DIP2C: variants seen among roughly 807,000 people sequenced by gnomAD.
DIP2C encodes disco-interacting protein 2 homolog C.
Under a neutral mutation model 192.4 loss-of-function variants are expected in DIP2C, and 33 were observed. The ratio of observed to expected loss-of-function variants is 0.17; its 90% CI spans 0.13 to 0.23. The LOEUF is 0.23. Ranked by LOEUF, DIP2C falls within the 10% of genes least tolerant of loss-of-function variation. DIP2C has a pLI of 1.00. For missense variants in DIP2C, 1,537 were observed against 2,110.1 expected, an observed-to-expected ratio of 0.73 and a Z score of 5.32; for synonymous variants, 979 against 864.1, an observed-to-expected ratio of 1.13 and a Z score of -2.33.
intron 32 of DIP2C, among the ~76,000 whole-genome samples, chr10:303,711 C>T (rs906417713): frequency 7.9e-5 from 12 of 151,948 alleles, no homozygotes; most frequent in East Asian, 1.9e-4. Context: ...TTAGTAGAGA[C>T]GGGGTTCCTC....
At chr10:406,538 A>G (rs1477914290) in intron 9 of DIP2C, among the ~76,000 whole-genome samples, 3 of 147,276 alleles carry the variant, frequency 2.0e-5, no homozygotes, top group Non-Finnish European at 4.4e-5. Flanking sequence ...AACCAACTCC[A>G]TCTTGCTTCT....
At chr10:334,741 T>C (rs1957674817) in intron 29 of DIP2C, among the ~76,000 whole-genome samples, 1 of 152,232 alleles carries the variant, frequency 6.6e-6, no homozygotes, top group Admixed American at 6.5e-5. Flanking sequence ...TGACCATAAA[T>C]ATAAGGGTTT....
In DIP2C at chr10:601,265, A is replaced by G. The variant is rs188511894; in HGVS notation, c.85+88229T>C. Among the ~76,000 whole-genome samples the G allele has an allele frequency of 1.4e-3, 214 of 152,374 alleles. 2 individuals are homozygous for G. Among genetic ancestry groups the G allele is most frequent in the Middle Eastern group, 3.4e-3 (1 of 294 alleles). Reference sequence around the variant, plus strand: ...CAAAGGTTCAGTAAATCTCTAGATAATCAGGCAAAAATTTTAGGAAGCTAC... The same window carrying G: ...CAAAGGTTCAGTAAATCTCTAGATAGTCAGGCAAAAATTTTAGGAAGCTAC... On this transcript the variant is annotated intron_variant, in intron 1 of 36. Coordinates refer to ENST00000280886, the MANE Select transcript of DIP2C (RefSeq NM_014974.3).
intron 2 of DIP2C, among the ~76,000 whole-genome samples, chr10:485,132 G>A (rs1446137974): frequency 6.6e-6 from 1 of 152,246 alleles, no homozygotes; most frequent in Non-Finnish European, 1.5e-5. Flanking sequence ...CGGTGCGCTG[G>A]AGAACCGTCC....
rs750646000 is a variant in DIP2C at position 494,117 on chromosome 10, TG to T, written c.86-7588del. 1.2e-3 allele frequency among the ~76,000 whole-genome samples: 190 copies of T among 152,344 alleles called. 1 individual carries two copies. The highest frequency in any genetic ancestry group is 2.0e-3 in the Non-Finnish European group (138 of 68,036). On this transcript the variant is annotated intron_variant, in intron 1 of 36. Transcript: ENST00000280886. ...ATCCCGAGTGCTGGGCCACAGGGGATGGTCATGAACACACACTATGTGACCC... is the reference window on the plus strand; with the variant it reads ...ATCCCGAGTGCTGGGCCACAGGGGATGTCATGAACACACACTATGTGACCC...
intron 31 of DIP2C, among the ~76,000 whole-genome samples, chr10:310,604 G>A (rs1302350161): frequency 1.3e-5 from 2 of 152,214 alleles, no homozygotes; most frequent in Non-Finnish European, 2.9e-5. Flanking sequence ...TCTCTGGCCT[G>A]AGGAGGGCAT....
chr10:449,917 C>CA lies in DIP2C; in HGVS notation c.269-8922dup, dbSNP rs1287942290. ...CAAATAAAGATGTTTCAGTCAACAA[C>CA]AACAAAAAAAAAAAAAAAAGAAAAT... On this transcript the variant is annotated intron_variant, in intron 3 of 36. Transcript: ENST00000280886. Among the ~76,000 whole-genome samples the CA allele has an allele frequency of 5.6e-3, 126 of 22,554 alleles. 1 individual carries two copies. Among genetic ancestry groups the CA allele is most frequent in the African/African-American group, 0.013 (116 of 9,276 alleles). The allele number at this position is 22,554 out of a possible 152,430, so 14.8% of individuals were successfully genotyped here. A position where few individuals can be genotyped will look rare whatever the true frequency, so the allele number is the denominator to read the frequency against.
chr10:592,420 C>T (rs1851455319), intron 1 of DIP2C, among the ~76,000 whole-genome samples: 1 of 152,216 alleles, frequency 6.6e-6, no homozygotes, highest in African/African-American at 2.4e-5. Context: ...ATCCAAATGT[C>T]CATCGATACG....
chr10:402,514 C>G (rs1227778390), intron 9 of DIP2C, among the ~76,000 whole-genome samples: 1 of 15,250 alleles, frequency 6.6e-5, no homozygotes, highest in African/African-American at 7.1e-5. Context: ...TCCTTATGGA[C>G]AAGTTTGGTA....
At chr10:623,108 A>C (rs1031874815) in intron 1 of DIP2C, among the ~76,000 whole-genome samples, 16 of 152,220 alleles carry the variant, frequency 1.1e-4, no homozygotes, top group Non-Finnish European at 1.8e-4. Context: ...CACCCTTCCC[A>C]GGGAGCCAGT....
At chr10:526,181 A>C (rs1216840907) in intron 1 of DIP2C, among the ~76,000 whole-genome samples, 4 of 152,334 alleles carry the variant, frequency 2.6e-5, no homozygotes, top group Non-Finnish European at 5.9e-5. Flanking sequence ...CAGCAAATGC[A>C]GCACACCTGT....
At chr10:309,705 C>T (rs978704094) in intron 32 of DIP2C, among the ~76,000 whole-genome samples, 3 of 152,142 alleles carry the variant, frequency 2.0e-5, no homozygotes, top group South Asian at 2.1e-4. Flanking sequence ...ATGACAAGTG[C>T]CCGCCACCAA....
chr10:441,369 C>T (rs1379012441), intron 3 of DIP2C, among the ~76,000 whole-genome samples: 1 of 141,062 alleles, frequency 7.1e-6, no homozygotes, highest in Non-Finnish European at 1.5e-5. Flanking sequence ...CGCACCCCAA[C>T]TCACAGCCAC....
chr10:628,329 CA>C (rs1392690348), intron 1 of DIP2C, among the ~76,000 whole-genome samples: 1 of 152,120 alleles, frequency 6.6e-6, no homozygotes, highest in South Asian at 2.1e-4. Flanking sequence ...ACCATTGGCC[CA>C]AAAATCCACC....
intron 2 of DIP2C, among the ~76,000 whole-genome samples, chr10:473,063 C>T (rs999718324): frequency 6.6e-6 from 1 of 152,200 alleles, no homozygotes; most frequent in African/African-American, 2.4e-5. Flanking sequence ...CCAGATTACT[C>T]TCTGGAAACT....
chr10:547,995 A>G (rs1454235918), intron 1 of DIP2C, among the ~76,000 whole-genome samples: 1 of 152,114 alleles, frequency 6.6e-6, no homozygotes, highest in Non-Finnish European at 1.5e-5. Flanking sequence ...CATTGTGTGA[A>G]GCCTTTTTCA....
intron 32 of DIP2C, among the ~76,000 whole-genome samples, chr10:292,209 T>G (rs149103511): frequency 3.8e-4 from 58 of 152,378 alleles, no homozygotes; most frequent in African/African-American, 1.4e-3. Context: ...CGTGCATTAC[T>G]GCTGCCCAAA....
chr10:662,364 G>A (rs1035851420), intron 1 of DIP2C, among the ~76,000 whole-genome samples: 1 of 152,204 alleles, frequency 6.6e-6, no homozygotes, highest in Non-Finnish European at 1.5e-5. Flanking sequence ...TGAGAACTAC[G>A]CAGGTGTATG....
At chr10:375,542 T>C (rs1336714398) in intron 17 of DIP2C, among the ~76,000 whole-genome samples, 1 of 152,216 alleles carries the variant, frequency 6.6e-6, no homozygotes, top group Non-Finnish European at 1.5e-5. Context: ...ACGAGGAATG[T>C]ACACTATGGC....
Sources: allele counts gnomAD v4.1 joint callset (sites outside exome capture counted in the v4.1 genomes callset), GRCh38; gene constraint gnomAD v4.1.1; transcripts MANE v1.5; gene names NCBI Gene and HGNC (gene_info 2026-07-23, HGNC 2026-07-21).